TRIO: variants seen among roughly 807,000 people sequenced by gnomAD.
The protein encoded by TRIO is trio Rho guanine nucleotide exchange factor, also known as triple functional domain protein.
A neutral mutation model predicts 351.9 loss-of-function variants in TRIO; 58 were observed. The ratio of observed to expected loss-of-function variants is 0.16; its 90% CI spans 0.13 to 0.21. The LOEUF (loss-of-function observed/expected upper bound fraction) is 0.21, where lower values mean the gene tolerates loss of function less well. TRIO is among the 10% of genes least tolerant of loss of function. The pLI is 1.00. For synonymous variants in TRIO, 1,758 were observed against 1,595.7 expected, an observed-to-expected ratio of 1.10 and a Z score of -2.42; for missense variants, 3,201 against 4,027.8, an observed-to-expected ratio of 0.79 and a Z score of 5.56.
chr5:14,183,869 GCA>G, intron 1 of TRIO: 1 of 578,564 alleles, frequency 1.7e-6, no homozygotes, highest in Non-Finnish European at 3.1e-6. Flanking sequence ...TTAACCTTTG[GCA>G]GATAGTGACT....
At chr5:14,213,026 G>A (rs32549) in intron 1 of TRIO, among the ~76,000 whole-genome samples, 39,497 of 151,980 alleles carry the variant, frequency 0.26, 5,364 homozygotes, top group East Asian at 0.45. Context: ...TGAACAACAC[G>A]GACAAAGTAC....
Position 14,181,427 on chromosome 5 carries a change from T to TG in TRIO, c.157+37551dup, listed in dbSNP as rs35769528. On this transcript the variant is annotated intron_variant, in intron 1 of 56. Coordinates refer to ENST00000344204, the MANE Select transcript of TRIO (RefSeq NM_007118.4). Reference sequence around the variant, plus strand: ...TCACCGTCATCTGTTGTTTCCTGCCTGGGGGGTCCCTGGCACTGTCTGTTA... The same window carrying TG: ...TCACCGTCATCTGTTGTTTCCTGCCTGGGGGGGTCCCTGGCACTGTCTGTTA... 9.8e-5 allele frequency among the ~76,000 whole-genome samples: 15 copies of TG among 152,342 alleles called. No individual in the cohort carries two copies. The South Asian group carries it at 2.1e-3, about 21-fold the overall frequency.
chr5:14,446,461 A>G (rs1381852299), intron 34 of TRIO, among the ~76,000 whole-genome samples: 1 of 152,226 alleles, frequency 6.6e-6, no homozygotes, highest in African/African-American at 2.4e-5. Flanking sequence ...GATTTGAAAA[A>G]TAAAATGCAG....
chr5:14,235,392 A>G (rs1446494406), intron 1 of TRIO, among the ~76,000 whole-genome samples: 2 of 152,198 alleles, frequency 1.3e-5, no homozygotes, highest in African/African-American at 4.8e-5. Context: ...CCTGGGTTTG[A>G]TGATTGCTTC....
At chr5:14,164,527 G>A (rs933918424) in intron 1 of TRIO, among the ~76,000 whole-genome samples, 8 of 152,242 alleles carry the variant, frequency 5.3e-5, no homozygotes, top group African/African-American at 1.9e-4. Context: ...TCAAGAATCC[G>A]ATTTTCATTG....
chr5:14,492,918 T>G, intron 49 of TRIO, 104 bp downstream of exon 49: 1 of 1,507,528 alleles, frequency 6.6e-7, no homozygotes, highest in South Asian at 1.3e-5. Context: ...GGAAGGGAGA[T>G]CTGCGCTGGT....
chr5:14,207,359 C>G (rs2592048), intron 1 of TRIO, among the ~76,000 whole-genome samples: 1,106 of 24,588 alleles, frequency 0.045, 417 homozygotes, highest in Non-Finnish European at 0.088. Flanking sequence ...CACACACACA[C>G]ACAGAGCCAG....
chr5:14,279,760 C>G (rs1735830030), intron 2 of TRIO, among the ~76,000 whole-genome samples: 1 of 152,252 alleles, frequency 6.6e-6, no homozygotes, highest in Non-Finnish European at 1.5e-5. Flanking sequence ...GGTTCTCTCA[C>G]ATGCATGTGT....
intron 1 of TRIO, among the ~76,000 whole-genome samples, chr5:14,154,226 C>T (rs1204698739): frequency 6.6e-6 from 1 of 151,754 alleles, no homozygotes; most frequent in Non-Finnish European, 1.5e-5. Flanking sequence ...GTTGGGAGTA[C>T]GGGAAGGGCG....
chr5:14,488,603 C>T (rs1227908263), intron 48 of TRIO: 2 of 497,710 alleles, frequency 4.0e-6, no homozygotes, highest in African/African-American at 3.8e-5. Flanking sequence ...GGTTCCTTTT[C>T]CCTGCTCTCT....
intron 1 of TRIO, among the ~76,000 whole-genome samples, chr5:14,264,907 A>C (rs1795578478): frequency 6.6e-6 from 1 of 152,170 alleles, no homozygotes; most frequent in Admixed American, 6.5e-5. Context: ...GCGCGCGCGA[A>C]GTTTCCCCCA....
In TRIO at chr5:14,498,637, C is replaced by G. The variant is rs1476003558; in HGVS notation, c.8329C>G (p.Leu2777Val). The G allele has an allele frequency of 1.2e-6, 2 of 1,613,750 alleles. No homozygotes were observed. The highest frequency in any genetic ancestry group is 8.5e-7 in the Non-Finnish European group (1 of 1,179,638). Residue 2777 changes from leucine (L) to valine (V), a missense_variant, in exon 53 of 57, where the codon CTA (leucine) becomes GTA (valine). By Grantham distance (32) the Leu-to-Val change is conservative. Around this residue, in one of 19 missense-constraint regions of TRIO, gnomAD observed 1,089 missense variants for 954.9 expected, o/e 1.14. Coordinates refer to ENST00000344204, the MANE Select transcript of TRIO (RefSeq NM_007118.4). ...SASSSASLRV[L>V]GPGMDGIMVT... Reference sequence around the variant, plus strand: ...CTCATCGTCGGCCAGCCTGAGGGTCCTAGGTAAGCACCGTGCAACGAGGAT... The same window carrying G: ...CTCATCGTCGGCCAGCCTGAGGGTCGTAGGTAAGCACCGTGCAACGAGGAT...
chr5:14,189,353 G>A (rs1191163624), intron 1 of TRIO, among the ~76,000 whole-genome samples: 1 of 152,116 alleles, frequency 6.6e-6, no homozygotes, highest in Non-Finnish European at 1.5e-5. Flanking sequence ...ATCAAATTTT[G>A]AATGAAATCA....
chr5:14,445,152 A>G (rs891891381), intron 34 of TRIO, among the ~76,000 whole-genome samples: 1 of 152,208 alleles, frequency 6.6e-6, no homozygotes, highest in Non-Finnish European at 1.5e-5. Flanking sequence ...GTCCATAAAC[A>G]GAGTGAGTCG....
chr5:14,181,854 G>A (rs1390140035), intron 1 of TRIO, among the ~76,000 whole-genome samples: 1 of 152,068 alleles, frequency 6.6e-6, no homozygotes, highest in East Asian at 1.9e-4. Context: ...ATCCCCACTT[G>A]CCCTCACTAT....
rs1031467958 is a variant in TRIO, at chr5:14,143,460, G to C, written c.-266G>C. On this transcript the variant is annotated 5_prime_UTR_variant, in exon 1 of 57. Transcript: ENST00000344204. The stretch of plus-strand genomic sequence containing the variant: ...CCGGGAGGCGCGTGCTGCTGCCCGC[G>C]CTCCGGCCGGCGCCCGGGAGGCCGT... Among the ~76,000 whole-genome samples, 30 of 148,546 alleles carry C rather than the reference G, an allele frequency of 2.0e-4. No individual in the cohort carries two copies. The highest frequency in any genetic ancestry group is 7.1e-4 in the African/African-American group (29 of 40,948).
At chr5:14,191,277 T>C (rs1790442362) in intron 1 of TRIO, among the ~76,000 whole-genome samples, 1 of 152,178 alleles carries the variant, frequency 6.6e-6, no homozygotes, top group South Asian at 2.1e-4. Flanking sequence ...CACAAGCCTT[T>C]AAGTGATTTT....
intron 2 of TRIO, among the ~76,000 whole-genome samples, chr5:14,277,500 G>T (rs1735637991): frequency 6.6e-6 from 1 of 152,128 alleles, no homozygotes; most frequent in Non-Finnish European, 1.5e-5. Flanking sequence ...CTAAGGCATT[G>T]ATTTCCTATC....
chr5:14,177,206 T>A (rs753178250), intron 1 of TRIO, among the ~76,000 whole-genome samples: 12 of 152,230 alleles, frequency 7.9e-5, no homozygotes, highest in Non-Finnish European at 1.6e-4. Context: ...TTATTATTTA[T>A]GTTATATACG....
Sources: gnomAD v4.1 joint callset for allele counts (sites outside exome capture counted in the v4.1 genomes callset) on GRCh38, gnomAD v4.1.1 for gene constraint, gnomAD v4.1.1 regional missense constraint, MANE v1.5 for transcripts, NCBI Gene and HGNC (gene_info 2026-07-23, HGNC 2026-07-21) for gene names.